The following FAM177A1 variants were observed in gnomAD, a reference collection of about 807,000 sequenced individuals.
FAM177A1 encodes the protein protein FAM177A1.
FAM177A1 carries 22 observed loss-of-function variants against 26.1 expected under a neutral mutation model. The ratio of observed to expected loss-of-function variants is 0.84; its 90% confidence interval spans 0.60 to 1.20. The LOEUF (loss-of-function observed/expected upper bound fraction) is 1.20. Ranked by LOEUF, FAM177A1 falls within the 50% of genes most tolerant of loss-of-function variation. The pLI, the probability that FAM177A1 is intolerant of heterozygous loss-of-function variation, is 0.00. For synonymous variants in FAM177A1, 95 were observed against 99.3 expected, an observed-to-expected ratio of 0.96 and a Z score of 0.26; for missense variants, 296 against 291.1, an observed-to-expected ratio of 1.02 and a Z score of -0.12.
chr14:35,065,357 CTTTTTTTT>C (rs1181451849), intron 2 of FAM177A1, among the ~76,000 whole-genome samples: 3 of 91,886 alleles, frequency 3.3e-5, no homozygotes, highest in Non-Finnish European at 6.4e-5. Flanking sequence ...TCCATTGAAT[CTTTTTTTT>C]TTTTTTTTTT....
At chr14:35,077,053 T>C in intron 2 of FAM177A1, 97 bp from the exon 3 acceptor site, 1 of 913,488 alleles carries the variant, frequency 1.1e-6, no homozygotes, top group Non-Finnish European at 1.8e-6. Flanking sequence ...CTATAGAATA[T>C]TCTCGGTGCC....
intron 2 of FAM177A1, among the ~76,000 whole-genome samples, chr14:35,072,407 G>C (rs2045336411): frequency 6.6e-6 from 1 of 152,214 alleles, no homozygotes; most frequent in African/African-American, 2.4e-5. Flanking sequence ...TGAGTAGGCT[G>C]AGGAGGAAGA....
intron 2 of FAM177A1, among the ~76,000 whole-genome samples, chr14:35,062,963 A>G (rs1309792365): frequency 1.4e-5 from 2 of 142,754 alleles, no homozygotes; most frequent in African/African-American, 5.2e-5. Flanking sequence ...AATTTTCTCT[A>G]TAGTTCCTAT....
At position 35,081,335 on chromosome 14, in the gene FAM177A1, T is replaced by A. The variant is rs892631056; in HGVS notation, c.*107T>A. 2.8e-6 allele frequency: 3 copies of A among 1,068,072 alleles called. No homozygotes were observed. Among genetic ancestry groups the A allele is most frequent in the Non-Finnish European group, 3.8e-6 (3 of 781,136 alleles). The allele number at this position is 1,068,072 out of a possible 1,614,324, so 66.2% of individuals were successfully genotyped here. A position where few individuals can be genotyped will look rare whatever the true frequency, so the allele number is the denominator to read the frequency against. On this transcript the variant is annotated 3_prime_UTR_variant, in exon 5 of 5. Transcript: ENST00000280987. ...TTAATACAATTATTTATATTTTAAA[T>A]TATTAAAGTATCTGGAAAGGGAAAA...
In FAM177A1 at chr14:35,053,276, A is replaced by T. The variant is rs745815897; in HGVS notation, c.166-2A>T. ...CATTTTCTTAAAATATCGTTGATAT[A>T]GATGAGTAACGAAAGAGGCTTTGAA... On this transcript the variant is annotated splice_acceptor_variant, in intron 1 of 4. Transcript: ENST00000280987. LOFTEE classifies it high-confidence loss of function. The T allele has an allele frequency of 6.2e-7, 1 of 1,606,318 alleles. No individual in the cohort carries two copies. The highest frequency in any genetic ancestry group is 8.5e-7 in the Non-Finnish European group (1 of 1,178,014).
At chr14:35,065,550 A>G (rs987664827) in intron 2 of FAM177A1, among the ~76,000 whole-genome samples, 38 of 152,150 alleles carry the variant, frequency 2.5e-4, no homozygotes, top group African/African-American at 8.9e-4. Context: ...ATCCTTTTAT[A>G]TAGACAGAAT....
chr14:35,051,581 T>G (rs929277022), intron 1 of FAM177A1, among the ~76,000 whole-genome samples: 1 of 152,124 alleles, frequency 6.6e-6, no homozygotes, highest in African/African-American at 2.4e-5. Context: ...CCTAGCTGAT[T>G]TTTGTATTTT....
intron 2 of FAM177A1, among the ~76,000 whole-genome samples, chr14:35,064,907 CTCCCAAAGTGCAA>C (rs2045218289): frequency 6.6e-6 from 1 of 152,254 alleles, no homozygotes; most frequent in South Asian, 2.1e-4. Context: ...CCGCTTCAGC[CTCCCAAAGTGCAA>C]TCCCAAAGTG....
chr14:35,077,543 C>T (rs915832823), intron 3 of FAM177A1, among the ~76,000 whole-genome samples: 3 of 133,038 alleles, frequency 2.3e-5, no homozygotes, highest in Admixed American at 8.5e-5. Context: ...ACTGCAGTGG[C>T]ACAATCTTGG....
intron 2 of FAM177A1, 110 bp from the exon 3 acceptor site, chr14:35,077,024 AGTCTCTTTGTAGTACT>A: frequency 1.4e-6 from 1 of 714,528 alleles, no homozygotes; most frequent in Non-Finnish European, 2.5e-6. Flanking sequence ...ATTGGATTGC[AGTCTCTTTGTAGTACT>A]GCCTATAGAA....
In FAM177A1 at chr14:35,081,256, CTTAAGTT is replaced by C. The variant is rs1566677336; in HGVS notation, c.*31_*37del. 1 of 1,561,106 alleles carries C rather than the reference CTTAAGTT, an allele frequency of 6.4e-7. No homozygotes were observed. The highest frequency in any genetic ancestry group is 2.3e-5 in the East Asian group (1 of 44,130). ...TGAAATGACTATCAAGCTTCAAACT[CTTAAGTT>C]TTTTTTTTTTAATACAAAAACTTTC... On this transcript the variant is annotated 3_prime_UTR_variant, in exon 5 of 5. Coordinates refer to ENST00000280987, the MANE Select transcript of FAM177A1 (RefSeq NM_173607.5).
intron 2 of FAM177A1, among the ~76,000 whole-genome samples, chr14:35,074,606 G>A (rs1032926588): frequency 2.0e-5 from 3 of 151,894 alleles, no homozygotes; most frequent in Non-Finnish European, 4.4e-5. Context: ...GATTACAGAC[G>A]TGAGCCACTG....
In FAM177A1 at chr14:35,056,353, A is replaced by AT. The variant is rs1318093492; in HGVS notation, c.339+2909dup. ...CCCAGGCAACTATTTTTTATTTTTTATTTTTTTATTTTTATTTTTTGAGAT... is the reference window on the plus strand; with the variant it reads ...CCCAGGCAACTATTTTTTATTTTTTATTTTTTTTATTTTTATTTTTTGAGAT... On this transcript the variant is annotated intron_variant, in intron 2 of 4. Coordinates refer to ENST00000280987, the MANE Select transcript of FAM177A1 (RefSeq NM_173607.5). Among the ~76,000 whole-genome samples the AT allele has an allele frequency of 2.0e-5, 3 of 150,732 alleles. No homozygotes were observed. The East Asian group carries it at 5.8e-4, about 29-fold the overall frequency.
chr14:35,061,169 T>C (rs1444528573), intron 2 of FAM177A1, among the ~76,000 whole-genome samples: 1 of 152,174 alleles, frequency 6.6e-6, no homozygotes, highest in Non-Finnish European at 1.5e-5. Context: ...GGGGGACCAC[T>C]GTACATTTTG....
rs373465295 is a variant in FAM177A1 at position 35,081,261 on chromosome 14, GTTTT to G, written c.*42_*45del. 6.4e-6 allele frequency: 8 copies of G among 1,251,564 alleles called. No homozygotes were observed. The highest frequency in any genetic ancestry group is 2.7e-4 in the Middle Eastern group (1 of 3,734). The allele number at this position is 1,251,564 out of a possible 1,614,324, so 77.5% of individuals were successfully genotyped here. A position where few individuals can be genotyped will look rare whatever the true frequency, so the allele number is the denominator to read the frequency against. On this transcript the variant is annotated 3_prime_UTR_variant, in exon 5 of 5. Coordinates refer to ENST00000280987, the MANE Select transcript of FAM177A1 (RefSeq NM_173607.5). ...TGACTATCAAGCTTCAAACTCTTAA[GTTTT>G]TTTTTTTTAATACAAAAACTTTCAC...
Position 35,077,136 on chromosome 14 carries a change from A to AT in FAM177A1, c.340-11dup. The AT allele has an allele frequency of 6.2e-7, 1 of 1,608,342 alleles. No homozygotes were observed. The highest frequency in any genetic ancestry group is 1.1e-5 in the South Asian group (1 of 90,944). On this transcript the variant is annotated splice_polypyrimidine_tract_variant and intron_variant, in intron 2 of 4. Coordinates refer to ENST00000280987, the MANE Select transcript of FAM177A1 (RefSeq NM_173607.5). Reference sequence around the variant, plus strand: ...TTTAGGTATGAATGTTGCTAACATGATTTCTTGTTGCAGACAAAACTTACC... The same window carrying AT: ...TTTAGGTATGAATGTTGCTAACATGATTTTCTTGTTGCAGACAAAACTTACC...
intron 2 of FAM177A1, among the ~76,000 whole-genome samples, chr14:35,060,094 C>T (rs1336225911): frequency 6.6e-6 from 1 of 152,154 alleles, no homozygotes; most frequent in Non-Finnish European, 1.5e-5. Flanking sequence ...CTGCCTCAGC[C>T]TCTGGAGTAA....
intron 2 of FAM177A1, among the ~76,000 whole-genome samples, chr14:35,057,276 G>A (rs142350846): frequency 2.0e-5 from 3 of 152,208 alleles, no homozygotes; most frequent in African/African-American, 7.2e-5. Flanking sequence ...GCCTAGGCTG[G>A]CTTCGAACTC....
chr14:35,045,356 A>C (rs2044845010), upstream of FAM177A1, among the ~76,000 whole-genome samples: 1 of 152,194 alleles, frequency 6.6e-6, no homozygotes, highest in Non-Finnish European at 1.5e-5. Context: ...TATACATAGA[A>C]TAGGAAGTGT....
Sources: gnomAD v4.1 joint callset for allele counts (sites outside exome capture counted in the v4.1 genomes callset) on GRCh38, gnomAD v4.1.1 for gene constraint, MANE v1.5 for transcripts, NCBI Gene and HGNC (gene_info 2026-07-23, HGNC 2026-07-21) for gene names.